IL2RA: variants seen among roughly 807,000 people sequenced by gnomAD.
IL2RA encodes the protein interleukin 2 receptor subunit alpha.
Under a neutral mutation model 37.8 loss-of-function variants are expected in IL2RA, and 24 were observed. That is an observed-to-expected ratio of 0.63 (90% confidence interval 0.46 to 0.89). IL2RA has a LOEUF of 0.89. IL2RA is among the 40% of genes least tolerant of loss of function. IL2RA has a pLI of 0.00. For missense variants in IL2RA, 319 were observed against 348.6 expected (o/e 0.92, Z 0.68); for synonymous variants, 125 against 114.6 (o/e 1.09, Z -0.58).
Position 6,046,294 on chromosome 10 carries a change from G to C in IL2RA, c.64+15794C>G, listed in dbSNP as rs1444881768. On this transcript the variant is annotated intron_variant, in intron 1 of 7. Coordinates refer to ENST00000379959, the MANE Select transcript of IL2RA (RefSeq NM_000417.3). This position sits in a 1 kb window ranked among gnomAD's most constrained non-coding sequence, Gnocchi z 4.8. ...TGGGAAGTGGGGAGCACTGATTGAG[G>C]TTCTGGGGTCCTGGCGCTTTCAGAT... is the stretch of plus-strand genomic sequence containing the variant. 6.6e-6 allele frequency among the ~76,000 whole-genome samples: 1 copy of C among 152,196 alleles called. No homozygotes were observed. Among genetic ancestry groups the C allele is most frequent in the African/African-American group, 2.4e-5 (1 of 41,448 alleles).
chr10:6,044,691 A>G lies in IL2RA; in HGVS notation c.64+17397T>C, dbSNP rs1423029837. ...CAGTAGGAAGATTTTTAAATGGCATAATTACAGAGATATAAAATTTATGTA... is the reference window on the plus strand; with the variant it reads ...CAGTAGGAAGATTTTTAAATGGCATGATTACAGAGATATAAAATTTATGTA... On this transcript the variant is annotated intron_variant, in intron 1 of 7. Transcript: ENST00000379959. This position sits in a 1 kb window ranked among gnomAD's most constrained non-coding sequence, Gnocchi z 4.5. 6.6e-6 allele frequency among the ~76,000 whole-genome samples: 1 copy of G among 152,220 alleles called. No homozygotes were observed. The highest frequency in any genetic ancestry group is 1.5e-5 in the Non-Finnish European group (1 of 68,044).
At position 6,014,535 on chromosome 10, in the gene IL2RA, T is replaced by C. The variant is rs987294197; in HGVS notation, c.795-1639A>G. Among the ~76,000 whole-genome samples, 2 of 152,220 alleles carry C rather than the reference T, an allele frequency of 1.3e-5. No individual in the cohort carries two copies. The highest frequency in any genetic ancestry group is 1.3e-4 in the Admixed American group (2 of 15,276). On this transcript the variant is annotated intron_variant, in intron 7 of 7. Transcript: ENST00000379959. This position sits in a 1 kb window ranked among gnomAD's most constrained non-coding sequence, Gnocchi z 4.4. ...AACCATTCCTACTTCCAAATAGCTT[T>C]GTCCTCTGGGCCCGAAGGCTTTTGA...
chr10:6,038,115 C>G (rs1839719450), intron 1 of IL2RA, among the ~76,000 whole-genome samples: 1 of 152,202 alleles, frequency 6.6e-6, no homozygotes, highest in Non-Finnish European at 1.5e-5. Flanking sequence ...AACACTGGGC[C>G]TGTGGTCATT....
At chr10:6,041,847 A>G (rs79967681) in intron 1 of IL2RA, among the ~76,000 whole-genome samples, 1 of 152,196 alleles carries the variant, frequency 6.6e-6, no homozygotes, top group Non-Finnish European at 1.5e-5. Flanking sequence ...AAGTATTTTC[A>G]CAGATAAATA....
Position 6,025,973 on chromosome 10 carries a change from C to T in IL2RA, c.117G>A (p.Met39Ile), listed in dbSNP as rs146345652. ...TCAACATGGTTCCTTCCTTGTAGGC[C>T]ATGGCTTTGAATGTGGCGTGTGGGA... is the stretch of plus-strand genomic sequence containing the variant. ...PEIPHATFKAMAYKEGTMLNC... is the reference protein window; with the variant it reads ...PEIPHATFKAIAYKEGTMLNC... Residue 39 changes from methionine to isoleucine, a missense_variant, in exon 2 of 8, where the codon ATG becomes ATA. Transcript: ENST00000379959. This position sits in a 1 kb window ranked among gnomAD's most constrained non-coding sequence, Gnocchi z 4.4. 57 of 1,613,986 alleles carry T rather than the reference C, an allele frequency of 3.5e-5. 1 individual carries two copies. The African/African-American group carries it at 7.2e-4, about 20-fold the overall frequency.
In IL2RA at chr10:6,029,128, TTTTATTTA is replaced by T. The variant is rs199788056; in HGVS notation, c.65-3111_65-3104del. On this transcript the variant is annotated intron_variant, in intron 1 of 7. Coordinates refer to ENST00000379959, the MANE Select transcript of IL2RA (RefSeq NM_000417.3). The surrounding 1 kb of genome is among the most constrained non-coding windows in gnomAD (Gnocchi z 4.6). ...TGACCTGCAGATTTGCTGCCATTTATTTTATTTATTTATTTATTTATTTATTTATTTAT... is the reference window on the plus strand; with the variant it reads ...TGACCTGCAGATTTGCTGCCATTTATTTTATTTATTTATTTATTTATTTAT... Among the ~76,000 whole-genome samples the T allele has an allele frequency of 0.17, 23,697 of 140,594 alleles. 2,153 individuals are homozygous for T. The highest frequency in any genetic ancestry group is 0.23 in the Middle Eastern group (64 of 284). The allele number at this position is 140,594 out of a possible 152,430, so 92.2% of individuals were successfully genotyped here. A position where few individuals can be genotyped will look rare whatever the true frequency, so the allele number is the denominator to read the frequency against.
intron 1 of IL2RA, among the ~76,000 whole-genome samples, chr10:6,050,020 A>C (rs1589309868): frequency 1.3e-5 from 2 of 152,288 alleles, no homozygotes; most frequent in South Asian, 4.1e-4. Flanking sequence ...CTGAGGGAAC[A>C]GTCTTGGCTG....
intron 1 of IL2RA, among the ~76,000 whole-genome samples, chr10:6,053,605 C>T (rs762350447): frequency 2.3e-4 from 35 of 152,198 alleles, no homozygotes; most frequent in Non-Finnish European, 4.3e-4. Flanking sequence ...CTATTTTCCA[C>T]GCTCTTTAGA....
At chr10:6,060,210 A>G (rs1840102345) in intron 1 of IL2RA, among the ~76,000 whole-genome samples, 2 of 152,196 alleles carry the variant, frequency 1.3e-5, no homozygotes, top group Admixed American at 1.3e-4. Context: ...AACCTTCCTA[A>G]AAGTATGCCC....
In IL2RA at chr10:6,057,165, C is replaced by T. The variant is rs747035453; in HGVS notation, c.64+4923G>A. Among the ~76,000 whole-genome samples, 3 of 152,208 alleles carry T rather than the reference C, an allele frequency of 2.0e-5. No individual in the cohort carries two copies. Among genetic ancestry groups the T allele is most frequent in the Non-Finnish European group, 4.4e-5 (3 of 68,046 alleles). On this transcript the variant is annotated intron_variant, in intron 1 of 7. Coordinates refer to ENST00000379959, the MANE Select transcript of IL2RA (RefSeq NM_000417.3). This position sits in a 1 kb window ranked among gnomAD's most constrained non-coding sequence, Gnocchi z 4.8. Reference sequence around the variant, plus strand: ...TCTTAAGGATCAGGACTATGTCGCTCATTTTTACATTTCCTATAGTATTGA... The same window carrying T: ...TCTTAAGGATCAGGACTATGTCGCTTATTTTTACATTTCCTATAGTATTGA...
chr10:6,033,079 C>T lies in IL2RA; in HGVS notation c.65-7054G>A, dbSNP rs1413340099. On this transcript the variant is annotated intron_variant, in intron 1 of 7. Transcript: ENST00000379959. The surrounding 1 kb of genome is among the most constrained non-coding windows in gnomAD (Gnocchi z 4.3). ...TAAGTAATGTAATTACTTTGGAACA[C>T]TATCTGAAAGTATTTGGCCAGGCAT... is the stretch of plus-strand genomic sequence containing the variant. 6.6e-6 allele frequency among the ~76,000 whole-genome samples: 1 copy of T among 152,060 alleles called. No homozygotes were observed. Among genetic ancestry groups the T allele is most frequent in the African/African-American group, 2.4e-5 (1 of 41,384 alleles).
chr10:6,057,904 T>C lies in IL2RA; in HGVS notation c.64+4184A>G, dbSNP rs1312071444. On this transcript the variant is annotated intron_variant, in intron 1 of 7. Coordinates refer to ENST00000379959, the MANE Select transcript of IL2RA (RefSeq NM_000417.3). The surrounding 1 kb of genome is among the most constrained non-coding windows in gnomAD (Gnocchi z 4.8). ...GCTTTGGGAGGCCAAGGTGGGCAGA[T>C]CACCTGAGGTCAGGAGTTCGAGACC... Among the ~76,000 whole-genome samples the C allele has an allele frequency of 6.6e-6, 1 of 152,146 alleles. No homozygotes were observed.
At chr10:6,040,354 T>G (rs1206729067) in intron 1 of IL2RA, among the ~76,000 whole-genome samples, 1 of 152,166 alleles carries the variant, frequency 6.6e-6, no homozygotes, top group Non-Finnish European at 1.5e-5. Context: ...TTCGGTTGTT[T>G]CCTGTCACCT....
intron 1 of IL2RA, among the ~76,000 whole-genome samples, chr10:6,030,478 A>G (rs1403613792): frequency 6.6e-6 from 1 of 152,218 alleles, no homozygotes. Context: ...GCAGAAAATA[A>G]TGGCACAACA....
Position 6,044,461 on chromosome 10 carries a change from G to A in IL2RA, c.64+17627C>T, listed in dbSNP as rs1282347927. ...CAGTTTGCAGAAATTTCTAGGGAAG[G>A]GGTAGTAACTTTTGGGTCATCCGGT... On this transcript the variant is annotated intron_variant, in intron 1 of 7. Transcript: ENST00000379959. The surrounding 1 kb of genome is among the most constrained non-coding windows in gnomAD (Gnocchi z 4.5). Among the ~76,000 whole-genome samples, 1 of 152,160 alleles carries A rather than the reference G, an allele frequency of 6.6e-6. No individual in the cohort carries two copies. Among genetic ancestry groups the A allele is most frequent in the Non-Finnish European group, 1.5e-5 (1 of 68,030 alleles).
rs373418690 is a variant in IL2RA at position 6,014,874 on chromosome 10, A to G, written c.795-1978T>C. ...GTATGTTATGGACCTGATGACCCATATAAGAAGGGAAGAGATATTTTATTT... is the reference window on the plus strand; with the variant it reads ...GTATGTTATGGACCTGATGACCCATGTAAGAAGGGAAGAGATATTTTATTT... On this transcript the variant is annotated intron_variant, in intron 7 of 7. Coordinates refer to ENST00000379959, the MANE Select transcript of IL2RA (RefSeq NM_000417.3). This position sits in a 1 kb window ranked among gnomAD's most constrained non-coding sequence, Gnocchi z 4.4. Among the ~76,000 whole-genome samples, 1 of 152,074 alleles carries G rather than the reference A, an allele frequency of 6.6e-6. No homozygotes were observed. The highest frequency in any genetic ancestry group is 1.9e-4 in the East Asian group (1 of 5,180).
chr10:6,015,516 G>A lies in IL2RA; in HGVS notation c.794+2537C>T, dbSNP rs892969635. 7.9e-5 allele frequency among the ~76,000 whole-genome samples: 12 copies of A among 152,166 alleles called. No individual in the cohort carries two copies. The highest frequency in any genetic ancestry group is 1.2e-4 in the Non-Finnish European group (8 of 68,034). On this transcript the variant is annotated intron_variant, in intron 7 of 7. Coordinates refer to ENST00000379959, the MANE Select transcript of IL2RA (RefSeq NM_000417.3). This position sits in a 1 kb window ranked among gnomAD's most constrained non-coding sequence, Gnocchi z 4.9. ...TCCTGGACCTAAGCAAGACGACTGCGTCAGAAACTCCACAGGTGGGACCCA... is the reference window on the plus strand; with the variant it reads ...TCCTGGACCTAAGCAAGACGACTGCATCAGAAACTCCACAGGTGGGACCCA...
rs1301893478 is a variant in IL2RA at position 6,025,510 on chromosome 10, G to GC, written c.256+323dup. Among the ~76,000 whole-genome samples, 9 of 152,206 alleles carry GC rather than the reference G, an allele frequency of 5.9e-5. No individual in the cohort carries two copies. The South Asian group carries it at 1.9e-3, about 32-fold the overall frequency. On this transcript the variant is annotated intron_variant, in intron 2 of 7. Coordinates refer to ENST00000379959, the MANE Select transcript of IL2RA (RefSeq NM_000417.3). The surrounding 1 kb of genome is among the most constrained non-coding windows in gnomAD (Gnocchi z 4.4). ...ATCTCTACTAAAAATGCAAAAATTA[G>GC]CCAGGCATGGTGGAGGGTGCCTGTA...
At position 6,048,140 on chromosome 10, in the gene IL2RA, T is replaced by C. The variant is rs559705438; in HGVS notation, c.64+13948A>G. Among the ~76,000 whole-genome samples the C allele has an allele frequency of 3.9e-5, 6 of 152,236 alleles. No homozygotes were observed. Among genetic ancestry groups the C allele is most frequent in the African/African-American group, 1.4e-4 (6 of 41,460 alleles). On this transcript the variant is annotated intron_variant, in intron 1 of 7. Coordinates refer to ENST00000379959, the MANE Select transcript of IL2RA (RefSeq NM_000417.3). The surrounding 1 kb of genome is among the most constrained non-coding windows in gnomAD (Gnocchi z 5.3). ...CCCTGACCCTCAACTGCCCTTGTCA[T>C]GTGCCCGTCATGCATCACAGGAAGG...
Sources: allele counts gnomAD v4.1 joint callset (sites outside exome capture counted in the v4.1 genomes callset), GRCh38; gene constraint gnomAD v4.1.1; non-coding constraint Gnocchi (gnomAD v3.1); transcripts MANE v1.5; gene names NCBI Gene and HGNC (gene_info 2026-07-23, HGNC 2026-07-21).